The following CENPT variants were observed in gnomAD, a reference collection of about 807,000 sequenced individuals.
CENPT encodes interphase centromere complex protein 22.
CENPT carries 42 observed loss-of-function variants against 59.7 expected under a neutral mutation model. That is an observed-to-expected ratio of 0.70 (90% CI 0.55 to 0.91). The LOEUF (loss-of-function observed/expected upper bound fraction) is 0.91, where lower values mean the gene tolerates loss of function less well. Ranked by LOEUF, CENPT falls within the 40% of genes least tolerant of loss-of-function variation. The pLI is 0.00. For synonymous variants in CENPT, 295 were observed against 289.6 expected, an observed-to-expected ratio of 1.02 and a Z score of -0.19; for missense variants, 716 against 713.4, an observed-to-expected ratio of 1.00 and a Z score of -0.04.
chr16:67,831,744 AG>A lies in CENPT; in HGVS notation c.523+9del. ...GGAGAGGGTAGCAAAAGTGGTGTCC[AG>A]GGCCTCACCTTGGGAGAGAGACAGC... On this transcript the variant is annotated intron_variant, in intron 8 of 15. Coordinates refer to ENST00000562787, the MANE Select transcript of CENPT (RefSeq NM_025082.4). 1.3e-6 allele frequency: 2 copies of A among 1,581,524 alleles called. No homozygotes were observed. Among genetic ancestry groups the A allele is most frequent in the East Asian group, 4.5e-5 (2 of 44,702 alleles).
chr16:67,846,390 G>C (rs1007474794), intron 1 of CENPT, among the ~76,000 whole-genome samples: 3 of 152,258 alleles, frequency 2.0e-5, no homozygotes, highest in African/African-American at 7.2e-5. Flanking sequence ...ACCAGCTTTG[G>C]GCCCGACTCG....
chr16:67,836,226 A>T (rs2057734194), intron 1 of CENPT, among the ~76,000 whole-genome samples: 2 of 147,484 alleles, frequency 1.4e-5, no homozygotes, highest in Admixed American at 1.4e-4. Flanking sequence ...ACACCTGGCT[A>T]ATTTTTTGTA....
chr16:67,831,351 T>C lies in CENPT; in HGVS notation c.568A>G (p.Asn190Asp). The change falls in exon 10 of 16, where the codon AAC (asparagine) becomes GAC (aspartate). Residue 190 changes from asparagine (N) to aspartate (D), a missense_variant. By Grantham distance (23) the Asn-to-Asp change is conservative (BLOSUM62 1). Transcript: ENST00000562787. ...TGAAGAGGTGTGGCAAAGGTCAGGT[T>C]GAGGGATCTGGTGAGGTGGGGAGGC... ...ADASSLTRSL[N>D]LTFATPLQPQ... The C allele has an allele frequency of 6.2e-7, 1 of 1,613,682 alleles. No homozygotes were observed. The highest frequency in any genetic ancestry group is 8.5e-7 in the Non-Finnish European group (1 of 1,179,706).
intron 10 of CENPT, chr16:67,830,780 C>T: frequency 1.8e-6 from 1 of 566,618 alleles, no homozygotes; most frequent in Non-Finnish European, 3.1e-6. Context: ...CCTGGCAGTC[C>T]CAGGCCCCTA....
chr16:67,846,321 C>A (rs995311987), intron 1 of CENPT, among the ~76,000 whole-genome samples: 1 of 152,264 alleles, frequency 6.6e-6, no homozygotes, highest in Admixed American at 6.5e-5. Context: ...CCTCTCCAAC[C>A]AAGCCCCACC....
rs547692662 is a variant in CENPT, at chr16:67,840,440, T to G, written c.-491-4782A>C. 2.0e-5 allele frequency among the ~76,000 whole-genome samples: 3 copies of G among 152,320 alleles called. No homozygotes were observed. In the East Asian group the frequency reaches 5.8e-4, roughly 29 times the overall value. On this transcript the variant is annotated intron_variant, in intron 1 of 15. Transcript: ENST00000562787. ...GAGGTGACCACGATCATGTCTTTTG[T>G]GGGAATATGCATGGAGCTGGGGGCC...
intron 10 of CENPT, 73 bp downstream of exon 10, chr16:67,831,143 T>G: frequency 6.2e-7 from 1 of 1,604,612 alleles, no homozygotes; most frequent in Middle Eastern, 1.7e-4. Flanking sequence ...CAACCCTGAC[T>G]CAGCATCACC....
At chr16:67,836,234 G>T (rs2057734206) in intron 1 of CENPT, among the ~76,000 whole-genome samples, 1 of 148,118 alleles carries the variant, frequency 6.8e-6, no homozygotes, top group Non-Finnish European at 1.5e-5. Flanking sequence ...CTAATTTTTT[G>T]TATTTTTAGT....
In CENPT at chr16:67,842,923, G is replaced by A. The variant is rs3982383; in HGVS notation, c.-492+4478C>T. ...AGCAACAGCAGCAGCAGCAGCAACAGCAGCAGCAGCAGCAGCAGCAGCAGC... is the reference window on the plus strand; with the variant it reads ...AGCAACAGCAGCAGCAGCAGCAACAACAGCAGCAGCAGCAGCAGCAGCAGC... On this transcript the variant is annotated intron_variant, in intron 1 of 15. Coordinates refer to ENST00000562787, the MANE Select transcript of CENPT (RefSeq NM_025082.4). This position sits in a 1 kb window ranked among gnomAD's most constrained non-coding sequence, Gnocchi z 4.9. The A allele has an allele frequency of 3.5e-4, 247 of 705,538 alleles. 1 individual carries two copies. The Middle Eastern group carries it at 0.018, about 51-fold the overall frequency. The allele number at this position is 705,538 out of a possible 1,614,324, so 43.7% of individuals were successfully genotyped here. A position where few individuals can be genotyped will look rare whatever the true frequency, so the allele number is the denominator to read the frequency against.
Position 67,829,608 on chromosome 16 carries a change from T to C in CENPT, c.1187-92A>G, listed in dbSNP as rs374929998. The C allele has an allele frequency of 4.4e-5, 60 of 1,375,990 alleles. No individual in the cohort carries two copies. The African/African-American group carries it at 7.5e-4, about 17-fold the overall frequency. 85.2% of individuals were successfully genotyped at this position (1,375,990 alleles called of 1,614,324 possible). A position where few individuals can be genotyped will look rare whatever the true frequency, so the allele number is the denominator to read the frequency against. On this transcript the variant is annotated intron_variant, in intron 12 of 15. Coordinates refer to ENST00000562787, the MANE Select transcript of CENPT (RefSeq NM_025082.4). ...CACAGTATTTCTGTCCTGTTTCTGG[T>C]GGGCCCCACCTAGCTCCAGCCAAGC...
chr16:67,834,676 C>T (rs919286234), intron 3 of CENPT, among the ~76,000 whole-genome samples: 4 of 152,120 alleles, frequency 2.6e-5, no homozygotes, highest in Non-Finnish European at 4.4e-5. Flanking sequence ...CTATCTCTAT[C>T]AGAAGAGACC....
Position 67,832,485 on chromosome 16 carries a change from C to T in CENPT, c.171G>A (p.Thr57=), listed in dbSNP as rs773874843. ...SPRKLSGQTR[T]IARGRSHGAR... ...CTCCATGGGAACGCCCTCTGGCTATCGTCCTTGTTTGGCCACTCAACTTCC... is the reference window on the plus strand; with the variant it reads ...CTCCATGGGAACGCCCTCTGGCTATTGTCCTTGTTTGGCCACTCAACTTCC... Residue 57 remains threonine (T), a synonymous_variant, in exon 5 of 16, where the codon ACG becomes ACA. Coordinates refer to ENST00000562787, the MANE Select transcript of CENPT (RefSeq NM_025082.4). 20 of 1,614,026 alleles carry T rather than the reference C, an allele frequency of 1.2e-5. No homozygotes were observed. Among genetic ancestry groups the T allele is most frequent in the African/African-American group, 6.7e-5 (5 of 74,924 alleles).
intron 1 of CENPT, among the ~76,000 whole-genome samples, chr16:67,839,577 T>C (rs1207895933): frequency 6.7e-6 from 1 of 150,230 alleles, no homozygotes; most frequent in Non-Finnish European, 1.5e-5. Flanking sequence ...TAAAAATAAA[T>C]AAATAAATAA....
intron 13 of CENPT, 124 bp from the exon 14 acceptor site, chr16:67,828,967 G>T: frequency 1.0e-6 from 1 of 991,502 alleles, no homozygotes; most frequent in Non-Finnish European, 1.4e-6. Flanking sequence ...AGGACCAGCA[G>T]CCCTGACCAC....
Position 67,830,477 on chromosome 16 carries a change from G to T in CENPT, c.775C>A (p.Pro259Thr). 6.2e-7 allele frequency: 1 copy of T among 1,614,146 alleles called. No homozygotes were observed. Among genetic ancestry groups the T allele is most frequent in the Middle Eastern group, 1.7e-4 (1 of 6,060 alleles). Residue 259 changes from proline (P) to threonine (T), a missense_variant, in exon 11 of 16, where the codon CCC becomes ACC. Coordinates refer to ENST00000562787, the MANE Select transcript of CENPT (RefSeq NM_025082.4). ...VGSPNVYHSL[P>T]CTPHTGAEDA... ...TCAGCCCCAGTGTGAGGCGTGCAGG[G>T]CAGGGAGTGATACACGTTGGGGGAG...
intron 1 of CENPT, among the ~76,000 whole-genome samples, chr16:67,837,434 C>T (rs538047460): frequency 1.3e-5 from 2 of 150,060 alleles, no homozygotes; most frequent in East Asian, 2.0e-4. Context: ...TTTGGCTGGG[C>T]GCAGTGGCTC....
intron 1 of CENPT, among the ~76,000 whole-genome samples, chr16:67,838,293 A>G (rs1417555716): frequency 6.6e-6 from 1 of 152,202 alleles, no homozygotes; most frequent in Non-Finnish European, 1.5e-5. Context: ...AACAGTTACA[A>G]TGATCTTTTG....
chr16:67,845,304 C>G (rs1187468352), intron 1 of CENPT, among the ~76,000 whole-genome samples: 1 of 152,202 alleles, frequency 6.6e-6, no homozygotes, highest in Non-Finnish European at 1.5e-5. Flanking sequence ...TGCCTGGGGA[C>G]TTGTCTGTGG....
At chr16:67,838,471 A>C (rs2057744389) in intron 1 of CENPT, among the ~76,000 whole-genome samples, 2 of 151,860 alleles carry the variant, frequency 1.3e-5, no homozygotes, top group Admixed American at 1.3e-4. Context: ...AAAACACAAA[A>C]ATTAGCCAGG....
Sources: gnomAD v4.1 joint callset for allele counts (sites outside exome capture counted in the v4.1 genomes callset) on GRCh38, gnomAD v4.1.1 for gene constraint, Gnocchi (gnomAD v3.1) non-coding constraint, MANE v1.5 for transcripts, NCBI Gene and HGNC (gene_info 2026-07-23, HGNC 2026-07-21) for gene names.